Variants in RSPO3 observed in about 807,000 individuals in gnomAD.
RSPO3 encodes the protein R-spondin 3.
RSPO3 carries 17 observed loss-of-function variants against 36.5 expected under a neutral mutation model. That is an observed-to-expected ratio of 0.47 (90% CI 0.32 to 0.70). The LOEUF (loss-of-function observed/expected upper bound fraction) is 0.70. Among genes scored for constraint, RSPO3 ranks in the 30% least tolerant of loss-of-function variants. The probability of loss-of-function intolerance (pLI) is 0.04; values close to 1 mark genes in which losing one functional copy is unlikely to be tolerated. For missense variants in RSPO3, 294 were observed against 322.5 expected, an observed-to-expected ratio of 0.91 and a Z score of 0.68; for synonymous variants, 108 against 107.0, an observed-to-expected ratio of 1.01 and a Z score of -0.06.
At position 127,197,533 on chromosome 6, in the gene RSPO3, C is replaced by G. The variant is rs1443150247; in HGVS notation, c.*1526C>G. On this transcript the variant is annotated 3_prime_UTR_variant, in exon 5 of 5. Coordinates refer to ENST00000356698, the MANE Select transcript of RSPO3 (RefSeq NM_032784.5). ...GAGTGTGCAGCACAGAATCGCATGA[C>G]CCACCTTAACCTTCCTGTTGTCATG... The G allele has an allele frequency of 6.5e-7, 1 of 1,550,040 alleles. No homozygotes were observed. Among genetic ancestry groups the G allele is most frequent in the Admixed American group, 2.0e-5 (1 of 50,978 alleles).
At chr6:127,168,822 G>T (rs1335300002) in intron 4 of RSPO3, among the ~76,000 whole-genome samples, 2 of 152,036 alleles carry the variant, frequency 1.3e-5, no homozygotes, top group Non-Finnish European at 1.5e-5. Flanking sequence ...CATATGGCTA[G>T]CCAGTTTTCC....
intron 4 of RSPO3, among the ~76,000 whole-genome samples, chr6:127,180,487 C>CAAAAAAAAAAAAAAAAAAAAAA (rs71543112): frequency 7.0e-5 from 3 of 42,618 alleles, no homozygotes; most frequent in Non-Finnish European, 8.5e-5. Context: ...TGGAAGAAAA[C>CAAAAAAAAAAAAAAAAAAAAAA]AAAAAAAAAA....
rs761704867 is a variant in RSPO3 at position 127,195,965 on chromosome 6, C to T, written c.777C>T (p.Val259=). ...ENKQQQKKRK[V]QDKQKSVSVS... is the part of the protein sequence containing the mutation. ...AACAGCAGCAGAAGAAGCGAAAAGT[C>T]CAAGATAAACAGAAATCGGTATCAG... The change falls in exon 5 of 5, where the codon GTC becomes GTT. Residue 259 remains valine, a synonymous_variant. Transcript: ENST00000356698. The T allele has an allele frequency of 5.0e-6, 8 of 1,612,830 alleles. No individual in the cohort carries two copies. The highest frequency in any genetic ancestry group is 1.3e-5 in the African/African-American group (1 of 74,990).
chr6:127,175,632 T>C (rs913858373), intron 4 of RSPO3, among the ~76,000 whole-genome samples: 16 of 151,880 alleles, frequency 1.1e-4, no homozygotes, highest in East Asian at 3.9e-4. Flanking sequence ...AAATCCTTTT[T>C]CTCCCTGTCA....
intron 1 of RSPO3, among the ~76,000 whole-genome samples, chr6:127,129,340 A>G (rs1200284750): frequency 6.6e-6 from 1 of 152,124 alleles, no homozygotes; most frequent in African/African-American, 2.4e-5. Context: ...AAATCTTGCC[A>G]TAAACTGGGG....
chr6:127,135,416 T>TAAA (rs35739572), intron 1 of RSPO3, among the ~76,000 whole-genome samples: 5 of 95,234 alleles, frequency 5.3e-5, no homozygotes, highest in East Asian at 3.2e-4. Flanking sequence ...TGAGAATCCA[T>TAAA]AAAAAAAAAA....
intron 4 of RSPO3, among the ~76,000 whole-genome samples, chr6:127,184,687 T>A (rs1775255398): frequency 6.6e-6 from 1 of 151,966 alleles, no homozygotes. Flanking sequence ...ATATGCTACA[T>A]GGAAAATATG....
chr6:127,121,150 G>C (rs1773836381), intron 1 of RSPO3, among the ~76,000 whole-genome samples: 2 of 152,322 alleles, frequency 1.3e-5, no homozygotes, highest in South Asian at 2.1e-4. Context: ...TGTCAAGGAG[G>C]GACAGGGTAC....
At chr6:127,137,616 G>A (rs968780604) in intron 1 of RSPO3, among the ~76,000 whole-genome samples, 3 of 152,066 alleles carry the variant, frequency 2.0e-5, no homozygotes, top group African/African-American at 7.2e-5. Context: ...AGCTTCAAGA[G>A]CCCTTTAAAT....
At chr6:127,177,198 A>C (rs1394358724) in intron 4 of RSPO3, among the ~76,000 whole-genome samples, 1 of 151,904 alleles carries the variant, frequency 6.6e-6, no homozygotes, top group East Asian at 1.9e-4. Flanking sequence ...ACAAATCATC[A>C]AAAACTGTAA....
At chr6:127,150,323 T>C in intron 2 of RSPO3, 103 bp from the exon 3 acceptor site, 1 of 1,116,968 alleles carries the variant, frequency 9.0e-7, no homozygotes, top group South Asian at 1.6e-5. Context: ...CAGGTGTTTA[T>C]TTGATACTAA....
At chr6:127,194,303 C>T (rs1337893865) in intron 4 of RSPO3, among the ~76,000 whole-genome samples, 2 of 152,084 alleles carry the variant, frequency 1.3e-5, no homozygotes, top group Non-Finnish European at 2.9e-5. Context: ...ATATTTTTGT[C>T]AAAAGTTACT....
At chr6:127,148,522 C>A in intron 1 of RSPO3, 126 bp from the exon 2 acceptor site, 7 of 583,054 alleles carry the variant, frequency 1.2e-5, no homozygotes, top group South Asian at 8.4e-5. Context: ...AAAAAAATCC[C>A]ACCTCATTCA....
intron 1 of RSPO3, among the ~76,000 whole-genome samples, chr6:127,133,199 G>A (rs1337060979): frequency 2.0e-5 from 3 of 151,980 alleles, no homozygotes; most frequent in African/African-American, 7.2e-5. Context: ...AAACGTAATG[G>A]CAGTCATTCA....
intron 4 of RSPO3, among the ~76,000 whole-genome samples, chr6:127,164,945 T>C (rs1216379722): frequency 3.9e-5 from 6 of 152,072 alleles, no homozygotes; most frequent in Non-Finnish European, 8.8e-5. Flanking sequence ...AGTTTCTGAA[T>C]AAAGTTTAAT....
intron 4 of RSPO3, among the ~76,000 whole-genome samples, chr6:127,179,582 T>G (rs1391614758): frequency 6.6e-6 from 1 of 151,830 alleles, no homozygotes; most frequent in East Asian, 1.9e-4. Context: ...ATTACAAAGT[T>G]GGGTTTGTAT....
intron 4 of RSPO3, among the ~76,000 whole-genome samples, chr6:127,165,151 A>T (rs1480524749): frequency 6.6e-6 from 1 of 152,076 alleles, no homozygotes; most frequent in East Asian, 1.9e-4. Context: ...TGCTAATTCC[A>T]AAAATAAAAG....
chr6:127,134,614 T>C (rs1034496255), intron 1 of RSPO3, among the ~76,000 whole-genome samples: 45 of 152,160 alleles, frequency 3.0e-4, no homozygotes, highest in African/African-American at 1.1e-3. Flanking sequence ...CTAACCTCAG[T>C]TGATAGCTTT....
intron 1 of RSPO3, among the ~76,000 whole-genome samples, chr6:127,131,238 T>C (rs1171298532): frequency 2.6e-5 from 4 of 152,066 alleles, no homozygotes; most frequent in Admixed American, 6.6e-5. Flanking sequence ...TATGTGACCA[T>C]ACCCCAAAGT....
Sources: allele counts gnomAD v4.1 joint callset (sites outside exome capture counted in the v4.1 genomes callset), GRCh38; gene constraint gnomAD v4.1.1; transcripts MANE v1.5; gene names NCBI Gene and HGNC (gene_info 2026-07-23, HGNC 2026-07-21).